Variants in PRDM12 observed in about 807,000 individuals in gnomAD.
The protein encoded by PRDM12 is PR/SET domain 12.
A neutral mutation model predicts 29.6 loss-of-function variants in PRDM12; 17 were observed. That is an observed-to-expected ratio of 0.57 (90% CI 0.39 to 0.86). The LOEUF (loss-of-function observed/expected upper bound fraction) is 0.86, where lower values mean the gene tolerates loss of function less well. Among genes scored for constraint, PRDM12 ranks in the 40% least tolerant of loss-of-function variants. The pLI is 0.00. For missense variants in PRDM12, 422 were observed against 510.8 expected, an observed-to-expected ratio of 0.83 and a Z score of 1.68; for synonymous variants, 231 against 225.8, an observed-to-expected ratio of 1.02 and a Z score of -0.21.
intron 1 of PRDM12, among the ~76,000 whole-genome samples, chr9:130,666,383 C>G (rs1350189174): frequency 6.6e-6 from 1 of 152,254 alleles, no homozygotes; most frequent in African/African-American, 2.4e-5. Context: ...CAACGCACCA[C>G]TCGCTTTCCA....
intron 3 of PRDM12, among the ~76,000 whole-genome samples, chr9:130,671,029 T>A (rs1159692414): frequency 6.6e-6 from 1 of 152,088 alleles, no homozygotes; most frequent in Non-Finnish European, 1.5e-5. Context: ...TCATCTACAT[T>A]TGATCATGAA....
rs969805178 is a variant in PRDM12, at chr9:130,682,570, A to G, written c.*901A>G. 2 of 152,142 alleles carry G rather than the reference A, an allele frequency of 1.3e-5. No homozygotes were observed. The highest frequency in any genetic ancestry group is 2.9e-5 in the Non-Finnish European group (2 of 68,032). The allele number at this position is 152,142 out of a possible 1,614,324, so 9.4% of individuals were successfully genotyped here. On this transcript the variant is annotated 3_prime_UTR_variant, in exon 5 of 5. Transcript: ENST00000253008. This position sits in a 1 kb window ranked among gnomAD's most constrained non-coding sequence, Gnocchi z 4.2. Reference sequence around the variant, plus strand: ...CCAGCGAGAGGAGGGCAAGACTGGAACCGCTGCCCGAGAGGTTAAGGTGGC... The same window carrying G: ...CCAGCGAGAGGAGGGCAAGACTGGAGCCGCTGCCCGAGAGGTTAAGGTGGC...
At chr9:130,673,948 G>A (rs962863253) in intron 3 of PRDM12, among the ~76,000 whole-genome samples, 4 of 151,132 alleles carry the variant, frequency 2.6e-5, no homozygotes, top group Admixed American at 6.6e-5. Flanking sequence ...TGGGATTACA[G>A]GCCTGAGCCA....
intron 4 of PRDM12, among the ~76,000 whole-genome samples, 194 bp downstream of exon 4, chr9:130,678,834 C>T (rs950219561): frequency 4.6e-5 from 7 of 152,048 alleles, no homozygotes; most frequent in Non-Finnish European, 1.0e-4. Context: ...ATGGGCCGGG[C>T]ATGGGTGGGA....
At chr9:130,674,271 C>G (rs978292905) in intron 3 of PRDM12, among the ~76,000 whole-genome samples, 2 of 151,828 alleles carry the variant, frequency 1.3e-5, no homozygotes, top group Admixed American at 6.6e-5. Context: ...CCTCGGCCCC[C>G]CAAAGTGCTG....
chr9:130,676,273 G>A (rs554916581), intron 3 of PRDM12, among the ~76,000 whole-genome samples: 3 of 152,162 alleles, frequency 2.0e-5, no homozygotes, highest in South Asian at 2.1e-4. Flanking sequence ...GGCGGATCAC[G>A]AGATCAGGAG....
At chr9:130,665,915 G>A (rs988878968) in intron 1 of PRDM12, among the ~76,000 whole-genome samples, 9 of 152,202 alleles carry the variant, frequency 5.9e-5, no homozygotes, top group Non-Finnish European at 8.8e-5. Context: ...GCTGGGGGCC[G>A]CCGCGGCTCC....
rs766639660 is a variant in PRDM12, at chr9:130,664,746, C to A, written c.93C>A (p.Asp31Glu). 4.3e-6 allele frequency: 7 copies of A among 1,610,804 alleles called. No homozygotes were observed. In the Admixed American group the frequency reaches 1.0e-4, roughly 23 times the overall value. Residue 31 changes from aspartate to glutamate, a missense_variant, in exon 1 of 5, where the codon GAC becomes GAA. Transcript: ENST00000253008. This position sits in a 1 kb window ranked among gnomAD's most constrained non-coding sequence, Gnocchi z 6.4. ...CGCTGGCCGAGGTTATCACCTCCGA[C>A]ATCCTGCACAGCTTCCTGTACGGCC... Reference protein sequence around the residue: ...GLALAEVITSDILHSFLYGRW... With the variant: ...GLALAEVITSEILHSFLYGRW...
rs74310958 is a variant in PRDM12, at chr9:130,676,044, C to T, written c.571-2485C>T. On this transcript the variant is annotated intron_variant, in intron 3 of 4. Transcript: ENST00000253008. ...CACACATGGACCTGGTGACAGAGGG[C>T]TCATCTGCACCATCTCATAGACAGA... Among the ~76,000 whole-genome samples, 6 of 152,292 alleles carry T rather than the reference C, an allele frequency of 3.9e-5. No homozygotes were observed. The East Asian group carries it at 9.7e-4, about 25-fold the overall frequency.
chr9:130,674,010 CTTTTTTT>C (rs35863613), intron 3 of PRDM12, among the ~76,000 whole-genome samples: 5 of 71,850 alleles, frequency 7.0e-5, no homozygotes, highest in African/African-American at 1.8e-4. Context: ...TTCTTTCTTT[CTTTTTTT>C]TTTTTTTTTT....
intron 3 of PRDM12, among the ~76,000 whole-genome samples, chr9:130,674,491 T>TG (rs1491192576): frequency 1.3e-4 from 14 of 111,706 alleles, no homozygotes; most frequent in African/African-American, 2.5e-4. Context: ...TAAAAGATAA[T>TG]TTGTGTGTGT....
intron 3 of PRDM12, among the ~76,000 whole-genome samples, chr9:130,670,756 C>A (rs1394341558): frequency 6.6e-6 from 1 of 152,190 alleles, no homozygotes; most frequent in African/African-American, 2.4e-5. Flanking sequence ...AACCCATCCC[C>A]TCACCAACCC....
intron 3 of PRDM12, among the ~76,000 whole-genome samples, 197 bp from the exon 4 acceptor site, chr9:130,678,332 G>T (rs957074843): frequency 6.6e-6 from 1 of 151,888 alleles, no homozygotes; most frequent in Non-Finnish European, 1.5e-5. Context: ...GGAGAGGGGG[G>T]CAGAGGGGCT....
Position 130,681,530 on chromosome 9 carries a change from G to A in PRDM12, c.965G>A (p.Arg322Gln), listed in dbSNP as rs1377019647. Reference sequence around the variant, plus strand: ...CTGCGCGCCCACCAGAAGAGCGCGCGGCACCGGCCGCCCAGCACCGCGCTG... The same window carrying A: ...CTGCGCGCCCACCAGAAGAGCGCGCAGCACCGGCCGCCCAGCACCGCGCTG... ...AGLRAHQKSARHRPPSTALQA... is the reference protein window; with the variant it reads ...AGLRAHQKSAQHRPPSTALQA... Residue 322 changes from arginine (R) to glutamine (Q), a missense_variant, in exon 5 of 5, where the codon CGG (arginine) becomes CAG (glutamine). Coordinates refer to ENST00000253008, the MANE Select transcript of PRDM12 (RefSeq NM_021619.3). The surrounding 1 kb of genome is among the most constrained non-coding windows in gnomAD (Gnocchi z 8.1). 7.3e-7 allele frequency: 1 copy of A among 1,365,318 alleles called. No homozygotes were observed. Among genetic ancestry groups the A allele is most frequent in the South Asian group, 1.6e-5 (1 of 62,234 alleles). The allele number at this position is 1,365,318 out of a possible 1,614,324, so 84.6% of individuals were successfully genotyped here. A position where few individuals can be genotyped will look rare whatever the true frequency, so the allele number is the denominator to read the frequency against.
intron 3 of PRDM12, among the ~76,000 whole-genome samples, chr9:130,677,974 AG>A (rs914137405): frequency 1.3e-5 from 2 of 152,052 alleles, no homozygotes; most frequent in Admixed American, 1.3e-4. Flanking sequence ...CTTCTTTTTT[AG>A]CATCTGCCGT....
In PRDM12 at chr9:130,666,571, C is replaced by CGGGCTCT. The variant is rs778302179; in HGVS notation, c.224-35_224-29dup. 1.4e-5 allele frequency: 23 copies of CGGGCTCT among 1,591,570 alleles called. No individual in the cohort carries two copies. The African/African-American group carries it at 2.6e-4, about 18-fold the overall frequency. On this transcript the variant is annotated intron_variant, in intron 1 of 4. Transcript: ENST00000253008. The stretch of plus-strand genomic sequence containing the variant: ...AGGAAGGGCCGGGCCTCGGCTGCCT[C>CGGGCTCT]GGGCTCTGACCGGTTTTCCTGGCCC...
chr9:130,666,841 G>C, intron 2 of PRDM12, 43 bp downstream of exon 2: 2 of 1,545,074 alleles, frequency 1.3e-6, no homozygotes, highest in Non-Finnish European at 1.7e-6. Context: ...GCCGGCGAGG[G>C]GCGCTGGTCG....
rs115639826 is a variant in PRDM12, at chr9:130,668,684, C to A, written c.570+371C>A. On this transcript the variant is annotated intron_variant, in intron 3 of 4. Coordinates refer to ENST00000253008, the MANE Select transcript of PRDM12 (RefSeq NM_021619.3). This position sits in a 1 kb window ranked among gnomAD's most constrained non-coding sequence, Gnocchi z 4.0. ...ATGGGGAGAGGCGGCCCAGGGAATGCGTTGGGGTGGGAGAGAGGGCGTGTG... is the reference window on the plus strand; with the variant it reads ...ATGGGGAGAGGCGGCCCAGGGAATGAGTTGGGGTGGGAGAGAGGGCGTGTG... Among the ~76,000 whole-genome samples the A allele has an allele frequency of 5.3e-5, 8 of 152,064 alleles. No homozygotes were observed. The highest frequency in any genetic ancestry group is 1.9e-4 in the African/African-American group (8 of 41,412).
At chr9:130,672,073 C>T (rs921069563) in intron 3 of PRDM12, among the ~76,000 whole-genome samples, 3 of 152,182 alleles carry the variant, frequency 2.0e-5, no homozygotes, top group African/African-American at 7.2e-5. Flanking sequence ...CCCTGGGGAA[C>T]CTCCTGGCTT....
Sources: gnomAD v4.1 joint callset for allele counts (sites outside exome capture counted in the v4.1 genomes callset) on GRCh38, gnomAD v4.1.1 for gene constraint, Gnocchi (gnomAD v3.1) non-coding constraint, MANE v1.5 for transcripts, NCBI Gene and HGNC (gene_info 2026-07-23, HGNC 2026-07-21) for gene names.